The following RAD51AP1 variants were observed in gnomAD, a reference collection of about 807,000 sequenced individuals.
The protein encoded by RAD51AP1 is RAD51-associated protein 1.
RAD51AP1 carries 14 observed loss-of-function variants against 34.3 expected under a neutral mutation model. The ratio of observed to expected loss-of-function variants is 0.41; its 90% CI spans 0.27 to 0.64. The LOEUF is 0.64. RAD51AP1 is among the 30% of genes least tolerant of loss of function. RAD51AP1 has a pLI of 0.33. For missense variants in RAD51AP1, 348 were observed against 386.9 expected, an observed-to-expected ratio of 0.90 and a Z score of 0.84; for synonymous variants, 114 against 129.8, an observed-to-expected ratio of 0.88 and a Z score of 0.83.
chr12:4,543,730 T>C (rs1944485528), intron 2 of RAD51AP1, 33 bp from the exon 3 acceptor site: 2 of 1,442,082 alleles, frequency 1.4e-6, no homozygotes, highest in Non-Finnish European at 9.3e-7. Context: ...GAAAATAATA[T>C]TTTTCTTTTG....
At chr12:4,545,568 A>T (rs542637570) in intron 3 of RAD51AP1, among the ~76,000 whole-genome samples, 1 of 152,346 alleles carries the variant, frequency 6.6e-6, no homozygotes, top group Admixed American at 6.5e-5. Context: ...TGTGAATTAT[A>T]TCTTAAGAAA....
chr12:4,554,638 C>T (rs1365941463), intron 7 of RAD51AP1, among the ~76,000 whole-genome samples: 1 of 152,108 alleles, frequency 6.6e-6, no homozygotes, highest in East Asian at 1.9e-4. Flanking sequence ...TTCTCTATCC[C>T]TTGGAGCAAG....
intron 8 of RAD51AP1, 109 bp from the exon 9 acceptor site, chr12:4,558,748 G>A: frequency 7.6e-7 from 1 of 1,312,122 alleles, no homozygotes; most frequent in Non-Finnish European, 1.0e-6. Flanking sequence ...ATAGACACTG[G>A]AAAGCAGAAT....
chr12:4,546,991 G>A (rs1040577633), intron 4 of RAD51AP1, among the ~76,000 whole-genome samples: 1 of 152,052 alleles, frequency 6.6e-6, no homozygotes, highest in African/African-American at 2.4e-5. Context: ...TTATGTTGGG[G>A]GATATTTTAG....
At chr12:4,551,736 G>A (rs2099392280) in intron 6 of RAD51AP1, among the ~76,000 whole-genome samples, 1 of 152,184 alleles carries the variant, frequency 6.6e-6, no homozygotes, top group Non-Finnish European at 1.5e-5. Flanking sequence ...TGTTGTATGA[G>A]AAAATGCTTA....
chr12:4,555,161 C>T (rs1028763450), intron 7 of RAD51AP1, among the ~76,000 whole-genome samples: 9 of 151,952 alleles, frequency 5.9e-5, no homozygotes, highest in Admixed American at 1.3e-4. Context: ...GAACTTAATG[C>T]CACCTCTCCT....
rs994704870 is a variant in RAD51AP1, at chr12:4,545,677, T to C, written c.210-632T>C. ...TGTCTTTGACGTTTTCTTCCTCTTA[T>C]ACTCCATAGCACTTTTGAGCAGCTT... On this transcript the variant is annotated intron_variant, in intron 3 of 8. Coordinates refer to ENST00000352618, the MANE Select transcript of RAD51AP1 (RefSeq NM_006479.5). 8 of 1,181,628 alleles carry C rather than the reference T, an allele frequency of 6.8e-6. No individual in the cohort carries two copies. In the African/African-American group the frequency reaches 1.1e-4, roughly 16 times the overall value. The allele number at this position is 1,181,628 out of a possible 1,614,324, so 73.2% of individuals were successfully genotyped here.
intron 6 of RAD51AP1, among the ~76,000 whole-genome samples, chr12:4,551,355 C>T (rs1267073729): frequency 6.6e-6 from 1 of 151,942 alleles, no homozygotes; most frequent in African/African-American, 2.4e-5. Context: ...ATTAGCTGGG[C>T]GTGGTGTTGT....
At chr12:4,543,039 T>C (rs1367047924) in intron 2 of RAD51AP1, among the ~76,000 whole-genome samples, 2 of 152,104 alleles carry the variant, frequency 1.3e-5, no homozygotes, top group South Asian at 2.1e-4. Flanking sequence ...ATGGTTAATG[T>C]ACTAGGAATA....
intron 7 of RAD51AP1, 80 bp downstream of exon 7, chr12:4,553,227 T>G: frequency 8.0e-7 from 1 of 1,250,374 alleles, no homozygotes; most frequent in Non-Finnish European, 1.1e-6. Flanking sequence ...TTTTTGCCTT[T>G]GTTCTCTTTA....
In RAD51AP1 at chr12:4,548,143, A is replaced by C; in HGVS notation, c.371A>C (p.His124Pro). 1 of 1,603,326 alleles carries C rather than the reference A, an allele frequency of 6.2e-7. No homozygotes were observed. Among genetic ancestry groups the C allele is most frequent in the South Asian group, 1.1e-5 (1 of 87,148 alleles). The change falls in exon 5 of 9, where the codon CAT becomes CCT. Residue 124 changes from histidine to proline, a missense_variant. His to Pro is a moderately conservative substitution (Grantham distance 77). Coordinates refer to ENST00000352618, the MANE Select transcript of RAD51AP1 (RefSeq NM_006479.5). ...SKIETMNKSP[H>P]ISNCSVASDY... ...ATAGAAACAATGAATAAGTCTCCTC[A>C]TATCTCTAATTGCAGTGTAGCCAGT...
chr12:4,559,193 A>G lies in RAD51AP1; in HGVS notation c.*200A>G. On this transcript the variant is annotated 3_prime_UTR_variant, in exon 9 of 9. Transcript: ENST00000352618. ...TTCAATGAGAAGTTTGTTTATAAGA[A>G]TTATCTTCTCATACCTTTCCTTGTG... is the stretch of plus-strand genomic sequence containing the variant. 1.8e-6 allele frequency: 1 copy of G among 568,960 alleles called. No homozygotes were observed. Among genetic ancestry groups the G allele is most frequent in the East Asian group, 3.2e-5 (1 of 31,200 alleles). 35.2% of individuals were successfully genotyped at this position (568,960 alleles called of 1,614,324 possible). A position where few individuals can be genotyped will look rare whatever the true frequency, so the allele number is the denominator to read the frequency against.
At chr12:4,557,743 C>G (rs1486127616) in intron 8 of RAD51AP1, among the ~76,000 whole-genome samples, 1 of 152,108 alleles carries the variant, frequency 6.6e-6, no homozygotes, top group East Asian at 1.9e-4. Context: ...ATGTGACAGT[C>G]AGGCAAGTGA....
Position 4,538,893 on chromosome 12 carries a change from GC to G in RAD51AP1, c.-45del, listed in dbSNP as rs752014959. On this transcript the variant is annotated 5_prime_UTR_variant, in exon 1 of 9. Coordinates refer to ENST00000352618, the MANE Select transcript of RAD51AP1 (RefSeq NM_006479.5). ...GGCGGGAATTGAAACCGCCGCTGAA[GC>G]CAACAAGAATTTGAGAACTGTAAAT... The G allele has an allele frequency of 6.2e-7, 1 of 1,610,598 alleles. No homozygotes were observed. The highest frequency in any genetic ancestry group is 1.7e-5 in the Admixed American group (1 of 59,960).
intron 7 of RAD51AP1, among the ~76,000 whole-genome samples, chr12:4,553,459 C>G (rs1944561367): frequency 6.6e-6 from 1 of 152,160 alleles, no homozygotes; most frequent in Non-Finnish European, 1.5e-5. Context: ...TGTTGGAAAT[C>G]TTACATCTAA....
In RAD51AP1 at chr12:4,543,861, C is replaced by T. The variant is rs368399912; in HGVS notation, c.166C>T (p.Arg56Trp). Residue 56 changes from arginine to tryptophan, a missense_variant, in exon 3 of 9, where the codon CGG (arginine) becomes TGG (tryptophan). Coordinates refer to ENST00000352618, the MANE Select transcript of RAD51AP1 (RefSeq NM_006479.5). ...DKPKPNLNNL[R>W]KEEIPVQEKT... ...ACCAAAACCTAACTTGAACAATCTC[C>T]GGAAAGAAGAAATCCCAGTACAAGA... 35 of 1,612,106 alleles carry T rather than the reference C, an allele frequency of 2.2e-5. No homozygotes were observed. The highest frequency in any genetic ancestry group is 1.6e-4 in the Middle Eastern group (1 of 6,066).
At chr12:4,540,494 G>A (rs1944458532) in intron 1 of RAD51AP1, among the ~76,000 whole-genome samples, 1 of 151,264 alleles carries the variant, frequency 6.6e-6, no homozygotes, top group Non-Finnish European at 1.5e-5. Flanking sequence ...AACAATTAAG[G>A]CAGTGGCACT....
chr12:4,548,594 AAAAAC>A, intron 5 of RAD51AP1, 88 bp from the exon 6 acceptor site: 5 of 1,425,212 alleles, frequency 3.5e-6, no homozygotes, highest in Non-Finnish European at 2.9e-6. Flanking sequence ...CTGGGCAAAT[AAAAAC>A]AATAGCTGTA....
chr12:4,557,257 C>T (rs1944589113), intron 8 of RAD51AP1, among the ~76,000 whole-genome samples: 1 of 152,234 alleles, frequency 6.6e-6, no homozygotes, highest in African/African-American at 2.4e-5. Context: ...TCATGTGTCC[C>T]CTCTCCTTGC....
Sources: gnomAD v4.1 joint callset for allele counts (sites outside exome capture counted in the v4.1 genomes callset) on GRCh38, gnomAD v4.1.1 for gene constraint, MANE v1.5 for transcripts, NCBI Gene and HGNC (gene_info 2026-07-23, HGNC 2026-07-21) for gene names.